Variants in KCNMB3 observed in about 807,000 individuals in gnomAD.
KCNMB3 encodes the protein potassium calcium-activated channel subfamily M regulatory beta subunit 3.
KCNMB3 carries 18 observed loss-of-function variants against 11.9 expected under a neutral mutation model. That is an observed-to-expected ratio of 1.51 (90% CI 1.04 to 2.23). The LOEUF (loss-of-function observed/expected upper bound fraction) is 2.23. Ranked by LOEUF, KCNMB3 falls within the 30% of genes most tolerant of loss-of-function variation. The pLI, the probability that KCNMB3 is intolerant of heterozygous loss-of-function variation, is 0.00. For missense variants in KCNMB3, 247 were observed against 329.4 expected (o/e 0.75, Z 1.94); for synonymous variants, 78 against 119.2 (o/e 0.65, Z 2.25).
rs1334784035 is a variant in KCNMB3 at position 179,243,187 on chromosome 3, A to C, written c.545T>G (p.Phe182Cys). ...EFFDHKNGTP[F>C]SCFYSPASQS... Reference sequence around the variant, plus strand: ...GCTGGCTGGACTGTAGAAGCATGAAAAGGGGGTTCCATTTTTGTGATCGAA... The same window carrying C: ...GCTGGCTGGACTGTAGAAGCATGAACAGGGGGTTCCATTTTTGTGATCGAA... Residue 182 changes from phenylalanine (F) to cysteine (C), a missense_variant, in exon 3 of 3, where the codon TTT becomes TGT. By Grantham distance (205) the Phe-to-Cys change is radical. This residue lies in a region of KCNMB3 where 87 missense variants were observed against 171.9 expected (regional missense o/e 0.51). Coordinates refer to ENST00000392685, the MANE Select transcript of KCNMB3 (RefSeq NM_171830.2). 1 of 1,449,104 alleles carries C rather than the reference A, an allele frequency of 6.9e-7. No individual in the cohort carries two copies. The highest frequency in any genetic ancestry group is 9.5e-7 in the Non-Finnish European group (1 of 1,048,814). 89.8% of individuals were successfully genotyped at this position (1,449,104 alleles called of 1,614,324 possible). A position where few individuals can be genotyped will look rare whatever the true frequency, so the allele number is the denominator to read the frequency against.
intron 1 of KCNMB3, chr3:179,259,311 T>TA (rs1726124236): frequency 1.9e-6 from 3 of 1,561,138 alleles, no homozygotes; most frequent in Non-Finnish European, 2.6e-6. Context: ...AGGATTGCTT[T>TA]AAGTGGCACC....
chr3:179,250,742 C>A lies in KCNMB3; in HGVS notation c.248+1G>T, dbSNP rs755201514. 6.2e-7 allele frequency: 1 copy of A among 1,614,120 alleles called. No homozygotes were observed. Among genetic ancestry groups the A allele is most frequent in the East Asian group, 2.2e-5 (1 of 44,884 alleles). Reference sequence around the variant, plus strand: ...CTAGATTTCCTTCCTCTGTTTCTTACCTGAGCATAAAAGGCTTTAGAATGG... The same window carrying A: ...CTAGATTTCCTTCCTCTGTTTCTTAACTGAGCATAAAAGGCTTTAGAATGG... On this transcript the variant is annotated splice_donor_variant, in intron 1 of 2. Coordinates refer to ENST00000392685, the MANE Select transcript of KCNMB3 (RefSeq NM_171830.2). LOFTEE classifies it high-confidence loss of function.
intron 1 of KCNMB3, among the ~76,000 whole-genome samples, chr3:179,265,592 G>A (rs1248484245): frequency 6.6e-6 from 1 of 152,118 alleles, no homozygotes; most frequent in South Asian, 2.1e-4. Context: ...GAGTAGCTGG[G>A]ATTACAGGCG....
At chr3:179,265,450 C>T (rs1264249318) in intron 1 of KCNMB3, among the ~76,000 whole-genome samples, 1 of 152,070 alleles carries the variant, frequency 6.6e-6, no homozygotes, top group Non-Finnish European at 1.5e-5. Context: ...AAATGTACCC[C>T]TCCCAACAGG....
At chr3:179,252,620 G>A (rs964096051), upstream of KCNMB3, among the ~76,000 whole-genome samples, 12 of 152,028 alleles carry the variant, frequency 7.9e-5, no homozygotes, top group Admixed American at 5.2e-4. Flanking sequence ...TTTGGGACCC[G>A]AGGATCTAGT....
chr3:179,244,249 A>G (rs936695322), intron 2 of KCNMB3, among the ~76,000 whole-genome samples: 2 of 152,212 alleles, frequency 1.3e-5, no homozygotes, highest in African/African-American at 4.8e-5. Context: ...ATGACTACTC[A>G]TTGGCTCAGC....
chr3:179,259,629 T>G, intron 1 of KCNMB3: 8 of 1,608,492 alleles, frequency 5.0e-6, no homozygotes, highest in Non-Finnish European at 6.8e-6. Context: ...CTCTTCTTCC[T>G]TAATTTCACT....
rs78637016 is a variant in KCNMB3 at position 179,266,851 on chromosome 3, G to C, written c.-141C>G. 3.5e-6 allele frequency: 5 copies of C among 1,439,342 alleles called. No individual in the cohort carries two copies. In the East Asian group the frequency reaches 1.3e-4, roughly 36 times the overall value. The allele number at this position is 1,439,342 out of a possible 1,614,324, so 89.2% of individuals were successfully genotyped here. On this transcript the variant is annotated 5_prime_UTR_variant, in exon 1 of 4. Coordinates refer to the KCNMB3 transcript ENST00000349697. ...CCCAGCGCAGCTGCAGCCATTAGAAGCCCCCCGCCTTCCTGGAGAGGTGAG... is the reference window on the plus strand; with the variant it reads ...CCCAGCGCAGCTGCAGCCATTAGAACCCCCCCGCCTTCCTGGAGAGGTGAG...
chr3:179,241,928 A>G (rs1406885140), downstream of KCNMB3: 2 of 154,124 alleles, frequency 1.3e-5, no homozygotes, highest in Non-Finnish European at 2.9e-5. Flanking sequence ...TTTCTGGCCC[A>G]TTTTTCCCAC....
intron 1 of KCNMB3, among the ~76,000 whole-genome samples, chr3:179,263,822 T>G (rs1239607824): frequency 2.8e-5 from 4 of 143,734 alleles, no homozygotes; most frequent in Non-Finnish European, 4.5e-5. Context: ...TTTTTTTTTT[T>G]TGAGATGGAG....
Position 179,266,100 on chromosome 3 carries a change from A to G in KCNMB3, c.62+549T>C, listed in dbSNP as rs570505539. Among the ~76,000 whole-genome samples the G allele has an allele frequency of 5.9e-5, 9 of 152,344 alleles. No homozygotes were observed. The South Asian group carries it at 1.9e-3, about 32-fold the overall frequency. ...ACACGCAGGGGCTCTTACTATCTGC[A>G]TTTCACAGATAAGGAGATGAGGCAA... On this transcript the variant is annotated intron_variant, in intron 1 of 3. Coordinates refer to the KCNMB3 transcript ENST00000349697.
upstream of KCNMB3, among the ~76,000 whole-genome samples, chr3:179,254,097 A>G (rs1275246493): frequency 6.6e-6 from 1 of 152,232 alleles, no homozygotes; most frequent in Non-Finnish European, 1.5e-5. Flanking sequence ...TTCACAGTTT[A>G]TAGGGTCACA....
In KCNMB3 at chr3:179,266,625, G is replaced by A. The variant is rs1413027450; in HGVS notation, c.62+24C>T. ...TTGTTCAGCCAGATTCCCACTACCG[G>A]CAGAGCTTCCGGAAGTGACTTACCT... On this transcript the variant is annotated intron_variant, in intron 1 of 3. Coordinates refer to the KCNMB3 transcript ENST00000349697. The A allele has an allele frequency of 1.7e-5, 28 of 1,613,526 alleles. No individual in the cohort carries two copies. The Admixed American group carries it at 4.5e-4, about 26-fold the overall frequency.
chr3:179,242,916 T>A lies in KCNMB3; in HGVS notation c.816A>T (p.Ala272=). The change falls in exon 3 of 3, where the codon GCA becomes GCT. Residue 272 remains alanine, a synonymous_variant. Coordinates refer to ENST00000392685, the MANE Select transcript of KCNMB3 (RefSeq NM_171830.2). ...LCIMRRSKGR[A]EKS is the part of the protein sequence containing the mutation. The stretch of plus-strand genomic sequence containing the variant: ...TTTGGCCACCGTCTTAAGATTTCTC[T>A]GCTCTTCCTTTGCTCCTCCTCATAA... 8 of 1,597,528 alleles carry A rather than the reference T, an allele frequency of 5.0e-6. No individual in the cohort carries two copies. Among genetic ancestry groups the A allele is most frequent in the Non-Finnish European group, 6.8e-6 (8 of 1,172,274 alleles).
upstream of KCNMB3, chr3:179,251,174 T>C: frequency 6.2e-7 from 1 of 1,610,846 alleles, no homozygotes; most frequent in African/African-American, 1.3e-5. Flanking sequence ...TAAGAAATGT[T>C]GCCTCATGCA....
chr3:179,256,024 C>A (rs540480917), upstream of KCNMB3, among the ~76,000 whole-genome samples: 1 of 152,270 alleles, frequency 6.6e-6, no homozygotes, highest in Admixed American at 6.5e-5. Flanking sequence ...CCTTGATAGA[C>A]CCTCACTGAA....
At chr3:179,252,827 G>C (rs1266650515), upstream of KCNMB3, among the ~76,000 whole-genome samples, 1 of 151,528 alleles carries the variant, frequency 6.6e-6, no homozygotes, top group African/African-American at 2.4e-5. Context: ...CGTCTCCCGG[G>C]TTCAAGCCAT....
intron 1 of KCNMB3, among the ~76,000 whole-genome samples, chr3:179,246,069 G>A (rs948012729): frequency 1.3e-5 from 2 of 152,110 alleles, no homozygotes; most frequent in Non-Finnish European, 2.9e-5. Context: ...TTTACTTACC[G>A]GTTCCTTAAA....
At chr3:179,242,677 C>T, downstream of KCNMB3, 1 of 718,374 alleles carries the variant, frequency 1.4e-6, no homozygotes, top group Non-Finnish European at 1.9e-6. Flanking sequence ...AACAGTGCTT[C>T]CTTAGCTCAT....
Sources: allele counts gnomAD v4.1 joint callset (sites outside exome capture counted in the v4.1 genomes callset), GRCh38; gene constraint gnomAD v4.1.1; regional missense constraint gnomAD v4.1.1; transcripts MANE v1.5; gene names NCBI Gene and HGNC (gene_info 2026-07-23, HGNC 2026-07-21).